RNF13: variants seen among roughly 807,000 people sequenced by gnomAD.
RNF13 encodes E3 ubiquitin-protein ligase RNF13.
In RNF13, 19 loss-of-function variants were observed where a neutral mutation model predicts 37.7. That is an observed-to-expected ratio of 0.50 (90% confidence interval 0.35 to 0.74). RNF13 has a LOEUF of 0.74. RNF13 is among the 30% of genes least tolerant of loss of function. The pLI, the probability that RNF13 is intolerant of heterozygous loss-of-function variation, is 0.01. For synonymous variants in RNF13, 144 were observed against 157.8 expected, an observed-to-expected ratio of 0.91 and a Z score of 0.65; for missense variants, 375 against 453.0, an observed-to-expected ratio of 0.83 and a Z score of 1.56.
chr3:149,883,354 A>G (rs1713635773), intron 4 of RNF13, among the ~76,000 whole-genome samples: 1 of 152,024 alleles, frequency 6.6e-6, no homozygotes, highest in South Asian at 2.1e-4. Flanking sequence ...TAATCTTTTA[A>G]GCCCACCTAG....
intron 8 of RNF13, among the ~76,000 whole-genome samples, chr3:149,948,296 G>T (rs1326717016): frequency 1.3e-5 from 2 of 152,102 alleles, no homozygotes; most frequent in Non-Finnish European, 2.9e-5. Context: ...GCACTTTATT[G>T]TTGGATCTCA....
intron 2 of RNF13, among the ~76,000 whole-genome samples, chr3:149,852,210 C>T (rs888013603): frequency 2.0e-5 from 3 of 152,152 alleles, no homozygotes; most frequent in African/African-American, 7.2e-5. Flanking sequence ...GGAAGATGAT[C>T]TGTCTGGAAA....
chr3:149,819,853 T>C (rs1576707841), intron 1 of RNF13, among the ~76,000 whole-genome samples: 1 of 152,222 alleles, frequency 6.6e-6, no homozygotes, highest in East Asian at 1.9e-4. Flanking sequence ...AGAGAAGGTG[T>C]TCCCTGAGGA....
intron 8 of RNF13, among the ~76,000 whole-genome samples, chr3:149,953,114 AT>A (rs57868274): frequency 0.013 from 1,987 of 147,790 alleles, 47 homozygotes; most frequent in African/African-American, 0.045. Context: ...GAAAAGTTGG[AT>A]TTTTTTTTTT....
chr3:149,862,841 A>G (rs1172091382), intron 3 of RNF13, among the ~76,000 whole-genome samples: 1 of 152,182 alleles, frequency 6.6e-6, no homozygotes, highest in Admixed American at 6.5e-5. Context: ...GTACTTTTAT[A>G]TACTGCTGGT....
At chr3:149,846,260 AAC>A in intron 2 of RNF13, 120 bp downstream of exon 2, 1 of 629,980 alleles carries the variant, frequency 1.6e-6, no homozygotes, top group South Asian at 2.0e-5. Context: ...AACATACCCC[AAC>A]ACATATACAC....
At chr3:149,877,472 C>CTTTTTTTTTTTTTTTTTTTTTTTGTTT (rs369676407) in intron 4 of RNF13, among the ~76,000 whole-genome samples, 3 of 101,482 alleles carry the variant, frequency 3.0e-5, no homozygotes, top group Non-Finnish European at 6.1e-5. Context: ...TTCTTTCTGT[C>CTTTTTTTTTTTTTTTTTTTTTTTGTTT]TTTTTTTTTT....
chr3:149,875,388 A>G (rs180908415), intron 4 of RNF13, among the ~76,000 whole-genome samples: 77 of 152,120 alleles, frequency 5.1e-4, no homozygotes, highest in African/African-American at 1.9e-3. Flanking sequence ...GATTTTTACA[A>G]CTCTTTTAGT....
chr3:149,860,270 A>AAATATATATAT (rs1302318768), intron 3 of RNF13, among the ~76,000 whole-genome samples: 21 of 104,088 alleles, frequency 2.0e-4, no homozygotes, highest in African/African-American at 4.2e-4. Flanking sequence ...AAAAAAAAAA[A>AAATATATATAT]ATATATATAT....
At chr3:149,955,017 C>G (rs1721724384) in intron 8 of RNF13, among the ~76,000 whole-genome samples, 1 of 152,214 alleles carries the variant, frequency 6.6e-6, no homozygotes, top group Non-Finnish European at 1.5e-5. Context: ...GCAGCTCTCT[C>G]TGGGAGCTGT....
chr3:149,837,822 C>A (rs566170842), intron 1 of RNF13, among the ~76,000 whole-genome samples: 1 of 151,792 alleles, frequency 6.6e-6, no homozygotes, highest in East Asian at 1.9e-4. Context: ...ATCATGCCTT[C>A]CAAAAGTCCC....
intron 8 of RNF13, among the ~76,000 whole-genome samples, chr3:149,945,115 G>T (rs1720640019): frequency 6.6e-6 from 1 of 152,156 alleles, no homozygotes; most frequent in Admixed American, 6.5e-5. Flanking sequence ...AGATCAGATG[G>T]TTGTAGATGT....
intron 8 of RNF13, chr3:149,939,049 A>G: frequency 2.0e-6 from 1 of 491,058 alleles, no homozygotes; most frequent in Non-Finnish European, 3.9e-6. Flanking sequence ...GTCATCCGGA[A>G]GCACTCCTCA....
intron 4 of RNF13, among the ~76,000 whole-genome samples, chr3:149,895,030 A>T (rs1346360846): frequency 6.6e-6 from 1 of 152,186 alleles, no homozygotes; most frequent in African/African-American, 2.4e-5. Context: ...TAAGTTTTTA[A>T]AAAGCTTTGT....
At chr3:149,904,759 CCTTAT>C (rs756066300) in intron 6 of RNF13, among the ~76,000 whole-genome samples, 22 of 146,700 alleles carry the variant, frequency 1.5e-4, no homozygotes, top group African/African-American at 2.5e-4. Flanking sequence ...CCTCTCCTTA[CCTTAT>C]AAGTAATAAT....
intron 2 of RNF13, among the ~76,000 whole-genome samples, chr3:149,846,761 C>T (rs534361388): frequency 2.3e-4 from 35 of 152,294 alleles, no homozygotes; most frequent in Non-Finnish European, 4.0e-4. Flanking sequence ...TACTGTTTTT[C>T]TTGGTACCTA....
chr3:149,895,643 T>C, intron 5 of RNF13, 83 bp downstream of exon 5: 1 of 982,282 alleles, frequency 1.0e-6, no homozygotes, highest in Non-Finnish European at 1.5e-6. Context: ...CTTCTCTCAT[T>C]TTCTTTTTAA....
intron 8 of RNF13, among the ~76,000 whole-genome samples, chr3:149,947,362 A>G (rs971600349): frequency 1.3e-5 from 2 of 149,876 alleles, no homozygotes; most frequent in Non-Finnish European, 3.0e-5. Context: ...GGGGTATTGA[A>G]GTCGCCTGTT....
intron 1 of RNF13, among the ~76,000 whole-genome samples, chr3:149,835,219 G>A (rs1421434233): frequency 6.6e-6 from 1 of 151,862 alleles, no homozygotes; most frequent in African/African-American, 2.4e-5. Context: ...GTACCAACAG[G>A]GTGAAAAAAA....
Sources: gnomAD v4.1 joint callset for allele counts (sites outside exome capture counted in the v4.1 genomes callset) on GRCh38, gnomAD v4.1.1 for gene constraint, MANE v1.5 for transcripts, NCBI Gene and HGNC (gene_info 2026-07-23, HGNC 2026-07-21) for gene names.